NELL2: variants seen among roughly 807,000 people sequenced by gnomAD.
NELL2 encodes neural EGFL like 2.
In NELL2, 41 loss-of-function variants were observed where a neutral mutation model predicts 109.6. The ratio of observed to expected loss-of-function variants is 0.37; its 90% CI spans 0.29 to 0.49. The LOEUF is 0.49. Among genes scored for constraint, NELL2 ranks in the 20% least tolerant of loss-of-function variants. The pLI, the probability that NELL2 is intolerant of heterozygous loss-of-function variation, is 0.98. For synonymous variants in NELL2, 355 were observed against 344.7 expected (o/e 1.03, Z -0.33); for missense variants, 900 against 1,008.3 (o/e 0.89, Z 1.45).
chr12:44,513,076 G>T (rs568667457), intron 19 of NELL2, among the ~76,000 whole-genome samples: 7 of 151,878 alleles, frequency 4.6e-5, no homozygotes, highest in Non-Finnish European at 1.0e-4. Flanking sequence ...CCATAAATAT[G>T]TGCAACCACT....
intron 12 of NELL2, among the ~76,000 whole-genome samples, chr12:44,673,692 C>A (rs1288331673): frequency 6.6e-6 from 1 of 152,180 alleles, no homozygotes; most frequent in Non-Finnish European, 1.5e-5. Context: ...GGCTTACAAT[C>A]CAGGAAATGG....
At chr12:44,624,997 T>C (rs1316605722) in intron 13 of NELL2, among the ~76,000 whole-genome samples, 1 of 41,006 alleles carries the variant, frequency 2.4e-5, no homozygotes, top group East Asian at 5.1e-4. Flanking sequence ...TATGTGTGTG[T>C]ATATATATAT....
At chr12:44,555,106 G>A (rs1409768077) in intron 15 of NELL2, among the ~76,000 whole-genome samples, 1 of 152,142 alleles carries the variant, frequency 6.6e-6, no homozygotes, top group African/African-American at 2.4e-5. Context: ...ATAACTGAGT[G>A]GAAGGTCTGG....
chr12:44,787,312 G>A (rs1378277794), intron 3 of NELL2, among the ~76,000 whole-genome samples: 2 of 151,936 alleles, frequency 1.3e-5, no homozygotes, highest in Non-Finnish European at 2.9e-5. Flanking sequence ...TGCATAAATT[G>A]GAAGACTCAA....
At position 44,607,181 on chromosome 12, in the gene NELL2, T is replaced by G; in HGVS notation, c.1651A>C (p.Ser551Arg). ...CACPQGFTGPSCETDIDECSD... is the reference protein window; with the variant it reads ...CACPQGFTGPRCETDIDECSD... Reference sequence around the variant, plus strand: ...ATGATATTCTTACCCGTTTCACAGCTGGGTCCAGTGAAGCCTTGTGGGCAG... The same window carrying G: ...ATGATATTCTTACCCGTTTCACAGCGGGGTCCAGTGAAGCCTTGTGGGCAG... Residue 551 changes from serine to arginine, a missense_variant, in exon 15 of 20, where the codon AGC (serine) becomes CGC (arginine). Physicochemically the swap from Ser to Arg is moderately radical, Grantham distance 110. Transcript: ENST00000429094. 2.5e-6 allele frequency: 4 copies of G among 1,612,038 alleles called. No individual in the cohort carries two copies. Among genetic ancestry groups the G allele is most frequent in the Non-Finnish European group, 3.4e-6 (4 of 1,178,822 alleles).
rs557378397 is a variant in NELL2, at chr12:44,734,304, CA to C, written c.995-19564del. Among the ~76,000 whole-genome samples, 825 of 151,924 alleles carry C rather than the reference CA, an allele frequency of 5.4e-3. 3 individuals carry two copies. The highest frequency in any genetic ancestry group is 9.1e-3 in the Non-Finnish European group (619 of 67,814). On this transcript the variant is annotated intron_variant, in intron 9 of 19. Coordinates refer to ENST00000429094, the MANE Select transcript of NELL2 (RefSeq NM_001145108.2). ...TTCAGGGAAAAATACCTTTCTTTTG[CA>C]TGGTCTATATTTTACTGCTCTTTCA... is the stretch of plus-strand genomic sequence containing the variant.
In NELL2 at chr12:44,696,025, A is replaced by T. The variant is rs544441785; in HGVS notation, c.1318+7701T>A. 1.2e-4 allele frequency among the ~76,000 whole-genome samples: 18 copies of T among 152,254 alleles called. 1 individual carries two copies. In the East Asian group the frequency reaches 3.5e-3, roughly 29 times the overall value. On this transcript the variant is annotated intron_variant, in intron 12 of 19. Coordinates refer to ENST00000429094, the MANE Select transcript of NELL2 (RefSeq NM_001145108.2). ...CCATGATAAGTGAAAAGCATTTTAA[A>T]TGCCTCCAAAGAACCATAGTTTTGC...
chr12:44,790,100 C>T (rs541416703), intron 3 of NELL2, among the ~76,000 whole-genome samples: 1 of 152,230 alleles, frequency 6.6e-6, no homozygotes, highest in Non-Finnish European at 1.5e-5. Flanking sequence ...GAGACCTAGA[C>T]ATCCAAATAC....
At chr12:44,876,798 G>C (rs894948796), upstream of NELL2, 6 of 1,378,666 alleles carry the variant, frequency 4.4e-6, no homozygotes, top group Admixed American at 5.9e-5. Flanking sequence ...TGCGGAGGAA[G>C]GCCACCAAAA....
At chr12:44,597,968 C>T (rs1243934747) in intron 15 of NELL2, among the ~76,000 whole-genome samples, 1 of 152,016 alleles carries the variant, frequency 6.6e-6, no homozygotes, top group Non-Finnish European at 1.5e-5. Flanking sequence ...CCCATTGTTC[C>T]TACAATTTGA....
chr12:44,620,292 G>A (rs929709247), intron 13 of NELL2, among the ~76,000 whole-genome samples: 10 of 152,008 alleles, frequency 6.6e-5, no homozygotes, highest in Non-Finnish European at 1.5e-5. Flanking sequence ...GTAAACCCGT[G>A]GGTCTAATTC....
chr12:44,577,637 C>A (rs576972872), intron 15 of NELL2, among the ~76,000 whole-genome samples: 1 of 151,852 alleles, frequency 6.6e-6, no homozygotes, highest in South Asian at 2.1e-4. Context: ...CCACCATGCC[C>A]GGCTAATTTT....
At chr12:44,835,324 GA>G (rs1944021281) in intron 2 of NELL2, among the ~76,000 whole-genome samples, 1 of 152,160 alleles carries the variant, frequency 6.6e-6, no homozygotes, top group South Asian at 2.1e-4. Context: ...CTTCTGGGGG[GA>G]AAAATCATTA....
chr12:44,632,913 T>A (rs759389375), intron 13 of NELL2, among the ~76,000 whole-genome samples: 1 of 151,994 alleles, frequency 6.6e-6, no homozygotes, highest in African/African-American at 2.4e-5. Context: ...AACTAGGCCA[T>A]AGAGAGTATT....
chr12:44,880,728 T>C (rs1283871571), upstream of NELL2: 1 of 152,034 alleles, frequency 6.6e-6, no homozygotes, highest in Non-Finnish European at 1.5e-5. Flanking sequence ...TTCAACAGAA[T>C]GTATAAAGTA....
At chr12:44,786,213 G>C (rs969399808) in intron 3 of NELL2, among the ~76,000 whole-genome samples, 1 of 151,972 alleles carries the variant, frequency 6.6e-6, no homozygotes, top group African/African-American at 2.4e-5. Context: ...TCAAAAAGTG[G>C]GCAAAGACTA....
intron 13 of NELL2, among the ~76,000 whole-genome samples, chr12:44,623,998 TA>T (rs962170120): frequency 1.2e-4 from 18 of 151,854 alleles, no homozygotes; most frequent in Admixed American, 5.9e-4. Context: ...GGGTGGGGGC[TA>T]GGGGAGGGAT....
rs1342709142 is a variant in NELL2 at position 44,775,928 on chromosome 12, G to A, written c.891+94C>T. 41 of 1,421,646 alleles carry A rather than the reference G, an allele frequency of 2.9e-5. No individual in the cohort carries two copies. In the South Asian group the frequency reaches 5.4e-4, roughly 19 times the overall value. 88.1% of individuals were successfully genotyped at this position (1,421,646 alleles called of 1,614,324 possible). ...TTAGTGTTGTGTCTTGAGGAAATGG[G>A]TCTTGAAATTTTCATGATTACATTG... On this transcript the variant is annotated intron_variant, in intron 8 of 19. Coordinates refer to ENST00000429094, the MANE Select transcript of NELL2 (RefSeq NM_001145108.2).
At chr12:44,640,858 T>C (rs1234682647) in intron 13 of NELL2, among the ~76,000 whole-genome samples, 2 of 152,192 alleles carry the variant, frequency 1.3e-5, no homozygotes, top group African/African-American at 4.8e-5. Context: ...TCCAACATGG[T>C]TGGGGAGTGA....
Sources: allele counts gnomAD v4.1 joint callset (sites outside exome capture counted in the v4.1 genomes callset), GRCh38; gene constraint gnomAD v4.1.1; transcripts MANE v1.5; gene names NCBI Gene and HGNC (gene_info 2026-07-23, HGNC 2026-07-21).